SLC5A7: variants seen among roughly 807,000 people sequenced by gnomAD.
SLC5A7 encodes the protein high affinity choline transporter 1.
A neutral mutation model predicts 55.4 loss-of-function variants in SLC5A7; 19 were observed. The observed-to-expected ratio is 0.34, with a 90% CI of 0.24 to 0.50. SLC5A7 has a LOEUF of 0.50. Among genes scored for constraint, SLC5A7 ranks in the 20% least tolerant of loss-of-function variants. The pLI is 0.98. For synonymous variants in SLC5A7, 265 were observed against 263.7 expected (o/e 1.00, Z -0.05); for missense variants, 506 against 705.3 (o/e 0.72, Z 3.20).
At chr2:107,996,974 C>T (rs1247334542) in intron 4 of SLC5A7, among the ~76,000 whole-genome samples, 2 of 152,128 alleles carry the variant, frequency 1.3e-5, no homozygotes, top group Non-Finnish European at 2.9e-5. Flanking sequence ...TAATTTGTTC[C>T]TACAAATTTT....
chr2:108,001,792 C>A, intron 5 of SLC5A7, 105 bp from the exon 6 acceptor site: 1 of 1,182,736 alleles, frequency 8.5e-7, no homozygotes, highest in Non-Finnish European at 1.2e-6. Flanking sequence ...TCTGTCTGAA[C>A]TAGAGGAACT....
chr2:107,995,404 A>G, intron 4 of SLC5A7, among the ~76,000 whole-genome samples: 1 of 152,042 alleles, frequency 6.6e-6, no homozygotes, highest in East Asian at 1.9e-4. Context: ...ATATCAAACA[A>G]CATATATAAA....
intron 2 of SLC5A7, among the ~76,000 whole-genome samples, chr2:107,991,718 A>G (rs1217261119): frequency 2.0e-5 from 3 of 152,166 alleles, no homozygotes; most frequent in African/African-American, 4.8e-5. Flanking sequence ...ACCTCAGACT[A>G]TATTACATAT....
intron 8 of SLC5A7, among the ~76,000 whole-genome samples, chr2:108,009,638 A>ATCTTATTCCT (rs1678240806): frequency 6.6e-6 from 1 of 152,026 alleles, no homozygotes; most frequent in African/African-American, 2.4e-5. Flanking sequence ...CAAAGGAATG[A>ATCTTATTCCT]TCTTATTCCT....
At chr2:108,007,922 G>A (rs1193917917) in intron 7 of SLC5A7, among the ~76,000 whole-genome samples, 1 of 152,116 alleles carries the variant, frequency 6.6e-6, no homozygotes, top group Admixed American at 6.5e-5. Flanking sequence ...CCACATGACT[G>A]TAATTTTTAT....
Position 108,003,213 on chromosome 2 carries a change from T to A in SLC5A7, c.741+1173T>A, listed in dbSNP as rs115392020. 5.4e-3 allele frequency among the ~76,000 whole-genome samples: 818 copies of A among 152,322 alleles called. 10 individuals are homozygous for A. Among genetic ancestry groups the A allele is most frequent in the African/African-American group, 0.019 (777 of 41,576 alleles). On this transcript the variant is annotated intron_variant, in intron 6 of 8. Transcript: ENST00000264047. The stretch of plus-strand genomic sequence containing the variant: ...TGTATATGTAACTATACCTGCATAG[T>A]AGATGTGCTTATGGTTACATCATAG...
Position 107,997,882 on chromosome 2 carries a change from GTCA to G in SLC5A7, c.499_501del (p.Ile167del), listed in dbSNP as rs766537447. The G allele has an allele frequency of 8.7e-6, 14 of 1,612,816 alleles. No individual in the cohort carries two copies. Reference sequence around the variant, plus strand: ...CATCGATGTGGATATGCACATTTCTGTCATCATCTCTGCACTCATTGCCACTCT... The same window carrying G: ...CATCGATGTGGATATGCACATTTCTGTCATCTCTGCACTCATTGCCACTCT... On this transcript the variant is annotated inframe_deletion, in exon 5 of 9. Coordinates refer to ENST00000264047, the MANE Select transcript of SLC5A7 (RefSeq NM_021815.5).
chr2:108,001,672 C>CAAAAAAAA (rs71309338), intron 5 of SLC5A7, among the ~76,000 whole-genome samples: 4 of 75,428 alleles, frequency 5.3e-5, no homozygotes, highest in Non-Finnish European at 7.3e-5. Context: ...GACTCCGTCT[C>CAAAAAAAA]AAAAAAAAAA....
At chr2:107,988,833 G>A (rs1314563160) in intron 2 of SLC5A7, among the ~76,000 whole-genome samples, 1 of 152,164 alleles carries the variant, frequency 6.6e-6, no homozygotes, top group Non-Finnish European at 1.5e-5. Context: ...ATTCCCAATT[G>A]AGTGATTCCC....
rs769383404 is a variant in SLC5A7 at position 108,008,602 on chromosome 2, A to T, written c.1033A>T (p.Met345Leu). ...FGLGAVSAAVMSSADSSILSA... is the reference protein window; with the variant it reads ...FGLGAVSAAVLSSADSSILSA... ...TCTTGGTGCAGTTTCTGCTGCTGTT[A>T]TGTCATCAGCAGATTCTTCCATCTT... is the stretch of plus-strand genomic sequence containing the variant. The change falls in exon 8 of 9, where the codon ATG becomes TTG. Residue 345 changes from methionine to leucine, a missense_variant. By Grantham distance (15) the Met-to-Leu change is conservative. Coordinates refer to ENST00000264047, the MANE Select transcript of SLC5A7 (RefSeq NM_021815.5). The T allele has an allele frequency of 2.5e-6, 4 of 1,613,422 alleles. No homozygotes were observed. In the Admixed American group the frequency reaches 6.7e-5, roughly 27 times the overall value.
Position 108,011,110 on chromosome 2 carries a change from A to G in SLC5A7, c.*249A>G, listed in dbSNP as rs1678311322. On this transcript the variant is annotated 3_prime_UTR_variant, in exon 9 of 9. Transcript: ENST00000264047. Reference sequence around the variant, plus strand: ...TAGATAGTTTTGCTAGGTATAAAAAATAAGTAAAGTTCCACTTAGAGAACA... The same window carrying G: ...TAGATAGTTTTGCTAGGTATAAAAAGTAAGTAAAGTTCCACTTAGAGAACA... 2 of 336,734 alleles carry G rather than the reference A, an allele frequency of 5.9e-6. No individual in the cohort carries two copies. Among genetic ancestry groups the G allele is most frequent in the South Asian group, 2.7e-4 (2 of 7,274 alleles). 20.9% of individuals were successfully genotyped at this position (336,734 alleles called of 1,614,324 possible).
At chr2:107,997,605 CAAAT>C (rs1486436455) in intron 4 of SLC5A7, among the ~76,000 whole-genome samples, 1 of 152,036 alleles carries the variant, frequency 6.6e-6, no homozygotes, top group African/African-American at 2.4e-5. Context: ...GTGTGTCCTC[CAAAT>C]AAATAAGTTA....
chr2:107,998,433 A>G (rs535419629), intron 5 of SLC5A7, among the ~76,000 whole-genome samples: 81 of 152,350 alleles, frequency 5.3e-4, no homozygotes, highest in South Asian at 6.2e-4. Context: ...AATATTAATC[A>G]TCACTATTTG....
chr2:107,994,143 AAGCTCC>A (rs1196955903), intron 4 of SLC5A7, among the ~76,000 whole-genome samples: 1 of 152,182 alleles, frequency 6.6e-6, no homozygotes. Context: ...TGGGAGATGG[AAGCTCC>A]CCATAAAGGT....
chr2:107,991,921 A>G (rs1416468886), intron 2 of SLC5A7, among the ~76,000 whole-genome samples, 185 bp from the exon 3 acceptor site: 1 of 152,256 alleles, frequency 6.6e-6, no homozygotes, highest in Admixed American at 6.5e-5. Flanking sequence ...TTTTCATTTC[A>G]ACATGTGATT....
chr2:107,998,580 A>G (rs899750608), intron 5 of SLC5A7, among the ~76,000 whole-genome samples: 2 of 152,228 alleles, frequency 1.3e-5, no homozygotes, highest in South Asian at 2.1e-4. Flanking sequence ...TGTGTGTCTG[A>G]ACATATTTTA....
intron 2 of SLC5A7, among the ~76,000 whole-genome samples, chr2:107,991,682 T>C (rs1441396816): frequency 6.6e-6 from 1 of 152,118 alleles, no homozygotes; most frequent in Non-Finnish European, 1.5e-5. Context: ...TGGAAGGGCC[T>C]TGAAATAAAG....
rs773703560 is a variant in SLC5A7 at position 108,010,218 on chromosome 2, G to C, written c.1114-14G>C. 5 of 1,606,440 alleles carry C rather than the reference G, an allele frequency of 3.1e-6. No homozygotes were observed. The highest frequency in any genetic ancestry group is 4.3e-6 in the Non-Finnish European group (5 of 1,175,638). ...CACTGTGCAAAAAGCTGACACTGTGGCAATTTCTTACAGGCTTCGGACAAA... is the reference window on the plus strand; with the variant it reads ...CACTGTGCAAAAAGCTGACACTGTGCCAATTTCTTACAGGCTTCGGACAAA... On this transcript the variant is annotated splice_polypyrimidine_tract_variant and intron_variant, in intron 8 of 8. Coordinates refer to ENST00000264047, the MANE Select transcript of SLC5A7 (RefSeq NM_021815.5).
chr2:107,993,603 T>C (rs1464588834), intron 4 of SLC5A7, among the ~76,000 whole-genome samples: 1 of 152,198 alleles, frequency 6.6e-6, no homozygotes, highest in Admixed American at 6.5e-5. Flanking sequence ...CTGAGAACTT[T>C]TTACCTCCCA....
Sources: gnomAD v4.1 joint callset for allele counts (sites outside exome capture counted in the v4.1 genomes callset) on GRCh38, gnomAD v4.1.1 for gene constraint, MANE v1.5 for transcripts, NCBI Gene and HGNC (gene_info 2026-07-23, HGNC 2026-07-21) for gene names.